Variants in OR9Q1 observed in about 807,000 individuals in gnomAD.
The protein encoded by OR9Q1 is olfactory receptor 9Q1.
For synonymous variants in OR9Q1, 153 were observed against 148.6 expected (o/e 1.03, Z -0.22); for missense variants, 374 against 378.8 (o/e 0.99, Z 0.11).
intron 1 of OR9Q1, among the ~76,000 whole-genome samples, chr11:58,036,282 C>T (rs1030938215): frequency 6.6e-6 from 1 of 152,172 alleles, no homozygotes; most frequent in Non-Finnish European, 1.5e-5. Flanking sequence ...TATTTTCAGC[C>T]TACTATTGAG....
intron 2 of OR9Q1, among the ~76,000 whole-genome samples, chr11:58,105,964 T>A (rs1395513001): frequency 1.3e-5 from 2 of 152,056 alleles, no homozygotes; most frequent in Non-Finnish European, 2.9e-5. Context: ...TAATTTAAAC[T>A]CTTTTGGATA....
chr11:58,100,898 G>A (rs1354442115), intron 2 of OR9Q1, among the ~76,000 whole-genome samples: 1 of 152,002 alleles, frequency 6.6e-6, no homozygotes, highest in African/African-American at 2.4e-5. Flanking sequence ...GTTGTGTCAA[G>A]TGAAATAAGC....
chr11:58,089,178 G>C (rs555871229), intron 2 of OR9Q1, among the ~76,000 whole-genome samples: 1 of 151,644 alleles, frequency 6.6e-6, no homozygotes, highest in Non-Finnish European at 1.5e-5. Context: ...ATGCCCAGCC[G>C]TTGCAATTGG....
In OR9Q1 at chr11:58,120,803, CATATATAT is replaced by C. The variant is rs61634454; in HGVS notation, c.-14-58610_-14-58603del. Among the ~76,000 whole-genome samples, 358 of 132,668 alleles carry C rather than the reference CATATATAT, an allele frequency of 2.7e-3. 6 individuals are homozygous for C. The highest frequency in any genetic ancestry group is 9.2e-3 in the African/African-American group (321 of 35,070). 87.0% of individuals were successfully genotyped at this position (132,668 alleles called of 152,430 possible). ...TATATTTGTATCTTTATTTCAATAC[CATATATAT>C]ATATATATATATATATACATATATT... On this transcript the variant is annotated intron_variant, in intron 2 of 2. Transcript: ENST00000335397.
At chr11:58,043,441 C>T (rs1410605505) in intron 1 of OR9Q1, among the ~76,000 whole-genome samples, 1 of 152,170 alleles carries the variant, frequency 6.6e-6, no homozygotes, top group Non-Finnish European at 1.5e-5. Flanking sequence ...ATACACATTG[C>T]TTTTATACTG....
intron 2 of OR9Q1, among the ~76,000 whole-genome samples, chr11:58,166,139 T>G (rs1036122312): frequency 9.2e-5 from 14 of 152,246 alleles, no homozygotes; most frequent in African/African-American, 3.1e-4. Flanking sequence ...CAGCCTAGGA[T>G]TCTCACATAT....
intron 2 of OR9Q1, among the ~76,000 whole-genome samples, chr11:58,103,798 T>C (rs1389630431): frequency 6.6e-6 from 1 of 152,132 alleles, no homozygotes; most frequent in African/African-American, 2.4e-5. Context: ...TTGGGCAGAG[T>C]GCATTGGCTT....
chr11:58,077,773 T>C (rs1230623403), intron 2 of OR9Q1: 8 of 152,188 alleles, frequency 5.3e-5, no homozygotes, highest in African/African-American at 9.7e-5. Context: ...CTAATTGTCA[T>C]CACAGAAGAA....
chr11:58,178,386 C>T (rs1048510947), intron 2 of OR9Q1, among the ~76,000 whole-genome samples: 1 of 152,016 alleles, frequency 6.6e-6, no homozygotes, highest in Non-Finnish European at 1.5e-5. Context: ...TGATGGGCAC[C>T]GTGGCATGAT....
At chr11:58,124,841 G>A (rs1337064436) in intron 2 of OR9Q1, among the ~76,000 whole-genome samples, 1 of 152,104 alleles carries the variant, frequency 6.6e-6, no homozygotes, top group Non-Finnish European at 1.5e-5. Flanking sequence ...ACCATTTATC[G>A]AACATCTTCT....
At chr11:58,160,903 G>GTTAAGT (rs1428171304) in intron 2 of OR9Q1, among the ~76,000 whole-genome samples, 2 of 152,174 alleles carry the variant, frequency 1.3e-5, no homozygotes, top group Non-Finnish European at 2.9e-5. Flanking sequence ...GACCGAACAA[G>GTTAAGT]AGATTTCACT....
At chr11:58,073,641 A>AT (rs992322907) in intron 2 of OR9Q1, 2 of 152,084 alleles carry the variant, frequency 1.3e-5, no homozygotes, top group Admixed American at 1.3e-4. Context: ...TTTTTATTTT[A>AT]TTTTTTATTA....
intron 2 of OR9Q1, among the ~76,000 whole-genome samples, chr11:58,152,618 TTGTC>T (rs145228267): frequency 0.023 from 3,464 of 152,300 alleles, 114 homozygotes; most frequent in African/African-American, 0.074. Flanking sequence ...AATCAGTCCT[TTGTC>T]TGTCATTTGT....
At chr11:58,154,548 G>A (rs527439258) in intron 2 of OR9Q1, among the ~76,000 whole-genome samples, 1 of 152,184 alleles carries the variant, frequency 6.6e-6, no homozygotes, top group East Asian at 1.9e-4. Context: ...GTACAGTGGG[G>A]TGACTATAGT....
intron 2 of OR9Q1, among the ~76,000 whole-genome samples, chr11:58,113,936 C>T (rs1853926326): frequency 6.6e-6 from 1 of 151,486 alleles, no homozygotes; most frequent in African/African-American, 2.4e-5. Context: ...TCCTTGTGCT[C>T]CTGTGAAGAG....
chr11:58,130,083 T>C (rs1854126599), intron 2 of OR9Q1, among the ~76,000 whole-genome samples: 2 of 152,140 alleles, frequency 1.3e-5, no homozygotes, highest in South Asian at 4.1e-4. Flanking sequence ...CTTCCTCGAG[T>C]CTGCCTTGTT....
At chr11:58,160,562 C>A (rs1019089316) in intron 2 of OR9Q1, among the ~76,000 whole-genome samples, 2 of 152,038 alleles carry the variant, frequency 1.3e-5, no homozygotes, top group East Asian at 3.9e-4. Context: ...TGGGCTCAAG[C>A]CATTCTCTTG....
chr11:58,135,901 A>G (rs17539600), intron 2 of OR9Q1, among the ~76,000 whole-genome samples: 26,163 of 152,184 alleles, frequency 0.17, 2,394 homozygotes, highest in Non-Finnish European at 0.21. Flanking sequence ...AACACTTTTC[A>G]CTTTTAGAAT....
At chr11:58,076,248 A>G (rs906291289) in intron 2 of OR9Q1, among the ~76,000 whole-genome samples, 1 of 152,228 alleles carries the variant, frequency 6.6e-6, no homozygotes, top group Non-Finnish European at 1.5e-5. Context: ...TATAATTTCC[A>G]TGAGTCAAGA....
Sources: allele counts gnomAD v4.1 joint callset (sites outside exome capture counted in the v4.1 genomes callset), GRCh38; gene constraint gnomAD v4.1.1; transcripts MANE v1.5; gene names NCBI Gene and HGNC (gene_info 2026-07-23, HGNC 2026-07-21).